Variants in FAM131B observed in about 807,000 individuals in gnomAD.
FAM131B encodes family with sequence similarity 131 member B.
In FAM131B, 19 loss-of-function variants were observed where a neutral mutation model predicts 42.0. The observed-to-expected ratio is 0.45, with a 90% CI of 0.32 to 0.66. FAM131B has a LOEUF of 0.66. Among genes scored for constraint, FAM131B ranks in the 30% least tolerant of loss-of-function variants. The pLI, the probability that FAM131B is intolerant of heterozygous loss-of-function variation, is 0.05. For missense variants in FAM131B, 370 were observed against 468.4 expected, an observed-to-expected ratio of 0.79 and a Z score of 1.94; for synonymous variants, 183 against 177.6, an observed-to-expected ratio of 1.03 and a Z score of -0.24.
In FAM131B at chr7:143,358,143, G is replaced by A. The variant is rs987494808; in HGVS notation, c.466+684C>T. Among the ~76,000 whole-genome samples, 9 of 152,122 alleles carry A rather than the reference G, an allele frequency of 5.9e-5. No homozygotes were observed. The highest frequency in any genetic ancestry group is 1.7e-4 in the African/African-American group (7 of 41,410). On this transcript the variant is annotated intron_variant, in intron 5 of 6. Coordinates refer to ENST00000443739, the MANE Select transcript of FAM131B (RefSeq NM_001031690.3). The surrounding 1 kb of genome is among the most constrained non-coding windows in gnomAD (Gnocchi z 4.7). ...CCCTATTCTAGTCAAATCCATGAGC[G>A]TGTTGAAGCTGGTACTGCTCCTGCC...
rs776874595 is a variant in FAM131B, at chr7:143,360,024, C to T, written c.138+16G>A. 5.7e-6 allele frequency: 9 copies of T among 1,588,798 alleles called. No homozygotes were observed. The highest frequency in any genetic ancestry group is 3.3e-5 in the Admixed American group (2 of 59,898). On this transcript the variant is annotated intron_variant, in intron 2 of 6. Transcript: ENST00000443739. ...GCAGGCAGCCAGAGACTTGGGGTGG[C>T]TGAGTGAGGTCTCACCTCAGTCGAT... is the stretch of plus-strand genomic sequence containing the variant.
At chr7:143,381,714 C>T in the FAM131B span, 35 of 1,602,588 alleles carry the variant, frequency 2.2e-5, no homozygotes, top group Non-Finnish European at 3.0e-5. Flanking sequence ...GAGCCTCCCC[C>T]GGCACCCGGG....
the FAM131B span, among the ~76,000 whole-genome samples, chr7:143,370,501 G>T: frequency 6.6e-6 from 1 of 152,138 alleles, no homozygotes; most frequent in Non-Finnish European, 1.5e-5. Context: ...ACAAGACATA[G>T]GTCATAAAGA....
At chr7:143,372,854 G>A in the FAM131B span, among the ~76,000 whole-genome samples, 15 of 152,176 alleles carry the variant, frequency 9.9e-5, no homozygotes, top group Non-Finnish European at 2.1e-4. Context: ...ACCTACTTGG[G>A]AGGCTGAGGC....
At position 143,357,271 on chromosome 7, in the gene FAM131B, A is replaced by G. The variant is rs750485816; in HGVS notation, c.610+9T>C. On this transcript the variant is annotated intron_variant, in intron 6 of 6. Coordinates refer to ENST00000443739, the MANE Select transcript of FAM131B (RefSeq NM_001031690.3). ...GGCTCCAGAGTTTGGATTCTGGAAC[A>G]TCTCTCACCCTGACTGTCCATCAGT... 1 of 1,613,462 alleles carries G rather than the reference A, an allele frequency of 6.2e-7. No individual in the cohort carries two copies. The highest frequency in any genetic ancestry group is 1.7e-5 in the Admixed American group (1 of 59,868).
At chr7:143,371,592 C>T in the FAM131B span, among the ~76,000 whole-genome samples, 1 of 113,288 alleles carries the variant, frequency 8.8e-6, no homozygotes, top group African/African-American at 3.6e-5. Context: ...CCAGCCTGGG[C>T]AACACCGCAA....
chr7:143,356,857 C>T lies in FAM131B; in HGVS notation c.776G>A (p.Ser259Asn). The T allele has an allele frequency of 6.2e-7, 1 of 1,614,160 alleles. No homozygotes were observed. The highest frequency in any genetic ancestry group is 8.5e-7 in the Non-Finnish European group (1 of 1,180,036). ...LGPAFDDSQP[S>N]LHEMGPSQPA... The stretch of plus-strand genomic sequence containing the variant: ...TTGGGAAGGTCCCATTTCATGCAAG[C>T]TGGGTTGTGAGTCATCAAATGCAGG... The change falls in exon 7 of 7, where the codon AGC (serine) becomes AAC (asparagine). Residue 259 changes from serine (S) to asparagine (N), a missense_variant. By Grantham distance (46) the Ser-to-Asn change is conservative. Transcript: ENST00000443739. The surrounding 1 kb of genome is among the most constrained non-coding windows in gnomAD (Gnocchi z 4.4).
At chr7:143,380,931 C>T in the FAM131B span, 4 of 399,768 alleles carry the variant, frequency 1.0e-5, no homozygotes, top group African/African-American at 4.3e-5. This position sits in a 1 kb window ranked among gnomAD's most constrained non-coding sequence, Gnocchi z 5.0. Context: ...ACAGGGGCTG[C>T]GTGGCTACCT....
At chr7:143,366,151 C>T (rs1207638771), upstream of FAM131B, among the ~76,000 whole-genome samples, 1 of 152,182 alleles carries the variant, frequency 6.6e-6, no homozygotes, top group African/African-American at 2.4e-5. Context: ...TAAAGTTACT[C>T]AACTCAGGAC....
At chr7:143,377,578 C>T in the FAM131B span, among the ~76,000 whole-genome samples, 1 of 152,148 alleles carries the variant, frequency 6.6e-6, no homozygotes, top group Admixed American at 6.5e-5. Flanking sequence ...AAAAATTTTG[C>T]AGTTTAGGAG....
chr7:143,356,831 G>T lies in FAM131B; in HGVS notation c.802C>A (p.Pro268Thr), dbSNP rs1369986674. 1 of 1,614,016 alleles carries T rather than the reference G, an allele frequency of 6.2e-7. No individual in the cohort carries two copies. The highest frequency in any genetic ancestry group is 8.5e-7 in the Non-Finnish European group (1 of 1,180,050). ...TCCAGAGCAGAGTATCCTGAAGCTG[G>T]TTGGGAAGGTCCCATTTCATGCAAG... ...PSLHEMGPSQ[P>T]ASGYSALEPP... The change falls in exon 7 of 7, where the codon CCA (proline) becomes ACA (threonine). Residue 268 changes from proline (P) to threonine (T), a missense_variant. Pro to Thr is a conservative substitution (Grantham distance 38). Transcript: ENST00000443739. This position sits in a 1 kb window ranked among gnomAD's most constrained non-coding sequence, Gnocchi z 4.4.
chr7:143,373,648 G>A, the FAM131B span, among the ~76,000 whole-genome samples: 1 of 152,190 alleles, frequency 6.6e-6, no homozygotes, highest in African/African-American at 2.4e-5. Context: ...GCTCAAAAAA[G>A]AGGAATGCTT....
chr7:143,370,245 A>G, the FAM131B span, among the ~76,000 whole-genome samples: 3 of 152,008 alleles, frequency 2.0e-5, no homozygotes, highest in Non-Finnish European at 1.5e-5. Flanking sequence ...CACAGCCAAA[A>G]TTTTTGAAAG....
chr7:143,381,588 C>T, the FAM131B span: 9 of 1,610,670 alleles, frequency 5.6e-6, no homozygotes, highest in African/African-American at 1.3e-5. Context: ...GCCCCCCGCC[C>T]GTCTCCCGCG....
chr7:143,359,540 G>T lies in FAM131B; in HGVS notation c.175-121C>A, dbSNP rs1054725699. The T allele has an allele frequency of 3.1e-6, 3 of 964,630 alleles. No individual in the cohort carries two copies. The highest frequency in any genetic ancestry group is 4.9e-6 in the Non-Finnish European group (3 of 609,704). 59.8% of individuals were successfully genotyped at this position (964,630 alleles called of 1,614,324 possible). A position where few individuals can be genotyped will look rare whatever the true frequency, so the allele number is the denominator to read the frequency against. On this transcript the variant is annotated intron_variant, in intron 3 of 6. Coordinates refer to ENST00000443739, the MANE Select transcript of FAM131B (RefSeq NM_001031690.3). This position sits in a 1 kb window ranked among gnomAD's most constrained non-coding sequence, Gnocchi z 5.4. Reference sequence around the variant, plus strand: ...CGAGCTAGGGCAGATGATAAGAAAAGCTACTATACCCAAGAGTCCCAAGGA... The same window carrying T: ...CGAGCTAGGGCAGATGATAAGAAAATCTACTATACCCAAGAGTCCCAAGGA...
At chr7:143,381,967 A>C in the FAM131B span, 2 of 654,526 alleles carry the variant, frequency 3.1e-6, no homozygotes, top group South Asian at 4.2e-5. Flanking sequence ...GGACCGTTCC[A>C]AGTCCCCCGC....
chr7:143,356,759 C>T lies in FAM131B; in HGVS notation c.874G>A (p.Gly292Ser). ...GGDTDWAPGV[G>S]AVDLARGPAE... is the part of the protein sequence containing the mutation. ...GGGCCCCTTGCCAGGTCCACTGCGC[C>T]TACCCCCGGAGCCCAGTCAGTGTCT... is the stretch of plus-strand genomic sequence containing the variant. Residue 292 changes from glycine (G) to serine (S), a missense_variant, in exon 7 of 7, where the codon GGC becomes AGC. Transcript: ENST00000443739. The surrounding 1 kb of genome is among the most constrained non-coding windows in gnomAD (Gnocchi z 4.4). 6.2e-7 allele frequency: 1 copy of T among 1,614,150 alleles called. No individual in the cohort carries two copies. Among genetic ancestry groups the T allele is most frequent in the Non-Finnish European group, 8.5e-7 (1 of 1,180,020 alleles).
At chr7:143,369,981 C>G in the FAM131B span, among the ~76,000 whole-genome samples, 1 of 152,160 alleles carries the variant, frequency 6.6e-6, no homozygotes, top group African/African-American at 2.4e-5. Context: ...GCAGGAAGGT[C>G]CAAAGGACAC....
the FAM131B span, chr7:143,381,026 G>C: frequency 3.7e-6 from 1 of 271,476 alleles, no homozygotes; most frequent in East Asian, 1.8e-4. Flanking sequence ...CGGGCGGGGA[G>C]GGGGAGGCAG....
Sources: gnomAD v4.1 joint callset for allele counts (sites outside exome capture counted in the v4.1 genomes callset) on GRCh38, gnomAD v4.1.1 for gene constraint, Gnocchi (gnomAD v3.1) non-coding constraint, MANE v1.5 for transcripts, NCBI Gene and HGNC (gene_info 2026-07-23, HGNC 2026-07-21) for gene names.